RGS8: variants seen among roughly 807,000 people sequenced by gnomAD.
The protein encoded by RGS8 is regulator of G-protein signaling 8.
RGS8 carries 8 observed loss-of-function variants against 21.7 expected under a neutral mutation model. The observed-to-expected ratio is 0.37, with a 90% CI of 0.22 to 0.66. The LOEUF (loss-of-function observed/expected upper bound fraction) is 0.66. Ranked by LOEUF, RGS8 falls within the 30% of genes least tolerant of loss-of-function variation. The pLI is 0.59. For synonymous variants in RGS8, 80 were observed against 83.6 expected, an observed-to-expected ratio of 0.96 and a Z score of 0.24; for missense variants, 157 against 217.9, an observed-to-expected ratio of 0.72 and a Z score of 1.76.
At chr1:182,668,338 C>A (rs975988193) in intron 3 of RGS8, among the ~76,000 whole-genome samples, 1 of 152,202 alleles carries the variant, frequency 6.6e-6, no homozygotes, top group African/African-American at 2.4e-5. Context: ...CAACAATTTG[C>A]CACAGAAATA....
the RGS8 span, among the ~76,000 whole-genome samples, chr1:182,745,502 C>T: frequency 2.6e-5 from 4 of 152,202 alleles, no homozygotes; most frequent in African/African-American, 7.2e-5. Context: ...TGTAATTCCA[C>T]GCATCCAAGG....
At chr1:182,727,762 G>A in the RGS8 span, among the ~76,000 whole-genome samples, 1 of 152,016 alleles carries the variant, frequency 6.6e-6, no homozygotes, top group Non-Finnish European at 1.5e-5. Context: ...TCTACCCAGT[G>A]TGTTCTCTCA....
the RGS8 span, among the ~76,000 whole-genome samples, chr1:182,693,603 A>G: frequency 6.6e-6 from 1 of 152,260 alleles, no homozygotes. Context: ...CATTTGACCC[A>G]GCATTTTCAT....
chr1:182,669,612 T>G lies in RGS8; in HGVS notation c.26+12A>C. On this transcript the variant is annotated intron_variant, in intron 3 of 6. Transcript: ENST00000483095. Reference sequence around the variant, plus strand: ...GGGTCAGGGGCAAGAAAACAGGCCATTGATTCATTACCTGCGTGGCATCAG... The same window carrying G: ...GGGTCAGGGGCAAGAAAACAGGCCAGTGATTCATTACCTGCGTGGCATCAG... The G allele has an allele frequency of 6.2e-7, 1 of 1,614,188 alleles. No individual in the cohort carries two copies. The highest frequency in any genetic ancestry group is 8.5e-7 in the Non-Finnish European group (1 of 1,180,032).
At chr1:182,698,184 GAAGA>G in the RGS8 span, among the ~76,000 whole-genome samples, 2 of 152,208 alleles carry the variant, frequency 1.3e-5, no homozygotes, top group African/African-American at 4.8e-5. Flanking sequence ...AAATCAAGGA[GAAGA>G]AAGAAGCCAA....
chr1:182,652,060 G>A (rs185668676), intron 5 of RGS8, among the ~76,000 whole-genome samples: 158 of 152,308 alleles, frequency 1.0e-3, no homozygotes, highest in African/African-American at 3.4e-3. Context: ...AGAATGAGGG[G>A]GCCCTAAAAG....
chr1:182,694,138 A>G, the RGS8 span, among the ~76,000 whole-genome samples: 51 of 136,882 alleles, frequency 3.7e-4, no homozygotes, highest in African/African-American at 1.6e-3. Context: ...ATGTGGAAAG[A>G]AAAAAAAAAA....
chr1:182,711,931 C>T, the RGS8 span, among the ~76,000 whole-genome samples: 1 of 152,130 alleles, frequency 6.6e-6, no homozygotes, highest in African/African-American at 2.4e-5. Context: ...ATTCTTGAGC[C>T]GTTGCTTGCA....
chr1:182,750,322 A>T, the RGS8 span, among the ~76,000 whole-genome samples: 13 of 152,336 alleles, frequency 8.5e-5, 1 homozygote, highest in South Asian at 2.7e-3. Context: ...GGCTCTGTGC[A>T]GACCAACACC....
the RGS8 span, among the ~76,000 whole-genome samples, chr1:182,735,662 G>A: frequency 1.3e-5 from 2 of 152,206 alleles, no homozygotes; most frequent in Admixed American, 1.3e-4. Context: ...CCAAGAACCA[G>A]TCCTGTTATT....
At chr1:182,690,410 A>T in the RGS8 span, among the ~76,000 whole-genome samples, 1 of 152,256 alleles carries the variant, frequency 6.6e-6, no homozygotes, top group African/African-American at 2.4e-5. Context: ...TATCCCAGGT[A>T]TTCAAATATC....
the RGS8 span, among the ~76,000 whole-genome samples, chr1:182,695,010 T>C: frequency 4.8e-4 from 73 of 152,262 alleles, no homozygotes; most frequent in Non-Finnish European, 8.5e-4. Context: ...CATTGGGTTG[T>C]TGTTTTTTTC....
At chr1:182,659,385 T>C (rs917182734) in intron 5 of RGS8, among the ~76,000 whole-genome samples, 1 of 152,196 alleles carries the variant, frequency 6.6e-6, no homozygotes, top group Non-Finnish European at 1.5e-5. Context: ...CACGAAGGAA[T>C]CCTTTAATAC....
At chr1:182,732,276 C>CACACAA in the RGS8 span, among the ~76,000 whole-genome samples, 2,377 of 148,552 alleles carry the variant, frequency 0.016, 64 homozygotes, top group African/African-American at 0.048. Context: ...CTCTCATACA[C>CACACAA]ACACACACAC....
chr1:182,714,092 C>T, the RGS8 span, among the ~76,000 whole-genome samples: 1 of 152,030 alleles, frequency 6.6e-6, no homozygotes, highest in African/African-American at 2.4e-5. Context: ...ACCTTTCCTC[C>T]CCCTCATGCC....
intron 5 of RGS8, among the ~76,000 whole-genome samples, chr1:182,664,285 A>T (rs11487354): frequency 1.5e-4 from 21 of 135,502 alleles, no homozygotes; most frequent in East Asian, 2.1e-4. Flanking sequence ...AGTATCATTT[A>T]AAAAAAAAAC....
chr1:182,669,863 C>T (rs1557896897), intron 2 of RGS8, 111 bp from the exon 4 acceptor site: 3 of 1,230,592 alleles, frequency 2.4e-6, no homozygotes, highest in African/African-American at 1.5e-5. Context: ...ACACATCCCC[C>T]CAGCCCCACA....
the RGS8 span, among the ~76,000 whole-genome samples, chr1:182,726,196 A>C: frequency 3.3e-5 from 5 of 152,176 alleles, no homozygotes; most frequent in Non-Finnish European, 5.9e-5. Flanking sequence ...AAAAAAAAAA[A>C]AAAACTTCAG....
chr1:182,695,547 C>A, the RGS8 span, among the ~76,000 whole-genome samples: 1 of 152,112 alleles, frequency 6.6e-6, no homozygotes, highest in Admixed American at 6.5e-5. Context: ...GATTCGAACC[C>A]CTGGGCTCAA....
Sources: allele counts gnomAD v4.1 joint callset (sites outside exome capture counted in the v4.1 genomes callset), GRCh38; gene constraint gnomAD v4.1.1; transcripts MANE v1.5; gene names NCBI Gene and HGNC (gene_info 2026-07-23, HGNC 2026-07-21).